GLOD4: variants seen among roughly 807,000 people sequenced by gnomAD.
The protein encoded by GLOD4 is glyoxalase domain containing 4.
GLOD4 carries 44 observed loss-of-function variants against 39.1 expected under a neutral mutation model. That is an observed-to-expected ratio of 1.13 (90% CI 0.88 to 1.45). The LOEUF (loss-of-function observed/expected upper bound fraction) is 1.45. GLOD4 is among the 40% of genes most tolerant of loss of function. GLOD4 has a pLI of 0.00. For missense variants in GLOD4, 405 were observed against 366.4 expected, an observed-to-expected ratio of 1.11 and a Z score of -0.86; for synonymous variants, 145 against 135.0, an observed-to-expected ratio of 1.07 and a Z score of -0.52.
intron 8 of GLOD4, among the ~76,000 whole-genome samples, chr17:765,842 GC>G (rs1311876631): frequency 6.6e-6 from 1 of 151,760 alleles, no homozygotes; most frequent in Non-Finnish European, 1.5e-5. Flanking sequence ...CCAGCTACCA[GC>G]TACTCAGGAG....
chr17:762,742 T>C (rs1350694200), intron 8 of GLOD4, among the ~76,000 whole-genome samples: 1 of 151,980 alleles, frequency 6.6e-6, no homozygotes, highest in Admixed American at 6.5e-5. Flanking sequence ...AGGGGAATAA[T>C]TTCATCACCA....
At chr17:775,661 G>T in intron 4 of GLOD4, 114 bp downstream of exon 4, 1 of 811,296 alleles carries the variant, frequency 1.2e-6, no homozygotes, top group Non-Finnish European at 2.0e-6. Context: ...GCACTGGCTG[G>T]GGAAGACACG....
chr17:763,530 A>G (rs1270673665), intron 8 of GLOD4: 1 of 152,180 alleles, frequency 6.6e-6, no homozygotes, highest in Admixed American at 6.5e-5. Flanking sequence ...CAAAAAATAA[A>G]TAAATAAATA....
chr17:770,443 G>A lies in GLOD4; in HGVS notation c.608C>T (p.Ala203Val). ...VDHAAAFGRI[A>V]FSCPQKELPD... Reference sequence around the variant, plus strand: ...TACCTCTTTCTGGGGGCAAGAGAAGGCAATTCTTCCAAAAGCTGCTGCATG... The same window carrying A: ...TACCTCTTTCTGGGGGCAAGAGAAGACAATTCTTCCAAAAGCTGCTGCATG... Residue 203 changes from alanine to valine, a missense_variant, in exon 6 of 9, where the codon GCC becomes GTC. Transcript: ENST00000301329. The A allele has an allele frequency of 7.0e-6, 11 of 1,574,354 alleles. No homozygotes were observed. The highest frequency in any genetic ancestry group is 9.6e-6 in the Non-Finnish European group (11 of 1,143,596).
At chr17:782,604 C>A (rs761274880), upstream of GLOD4, 55 of 1,613,928 alleles carry the variant, frequency 3.4e-5, no homozygotes, top group Non-Finnish European at 6.8e-6. Flanking sequence ...GAAACAACCG[C>A]TCGAGGAGTC....
intron 8 of GLOD4, chr17:764,018 C>G (rs529096910): frequency 6.6e-6 from 1 of 152,116 alleles, no homozygotes; most frequent in Non-Finnish European, 1.5e-5. Context: ...GTACTCTCTT[C>G]GGTTGTGCAT....
At position 782,194 on chromosome 17, in the gene GLOD4, C is replaced by T. The variant is rs1208418211; in HGVS notation, c.62G>A (p.Arg21His). The change falls in exon 1 of 9, where the codon CGT becomes CAT. Residue 21 changes from arginine (R) to histidine (H), a missense_variant. By Grantham distance (29) the Arg-to-His change is conservative. Coordinates refer to ENST00000301329, the MANE Select transcript of GLOD4 (RefSeq NM_016080.4). ...CATCCCCAGGACGTCCCGATAGAAA[C>T]GCGCCGTCTGGAAGCGGTTTCCCAC... is the stretch of plus-strand genomic sequence containing the variant. ...FKVGNRFQTARFYRDVLGMKV... is the reference protein window; with the variant it reads ...FKVGNRFQTAHFYRDVLGMKV... 5.0e-6 allele frequency: 8 copies of T among 1,609,826 alleles called. No individual in the cohort carries two copies. Among genetic ancestry groups the T allele is most frequent in the African/African-American group, 2.7e-5 (2 of 74,844 alleles).
chr17:771,572 T>C, intron 4 of GLOD4, 111 bp from the exon 5 acceptor site: 1 of 641,872 alleles, frequency 1.6e-6, no homozygotes, highest in South Asian at 2.4e-5. Flanking sequence ...GAAAGGGATT[T>C]TAAGCCAGTA....
intron 8 of GLOD4, among the ~76,000 whole-genome samples, chr17:767,785 A>G (rs1184506422): frequency 2.0e-5 from 3 of 147,616 alleles, no homozygotes; most frequent in Non-Finnish European, 4.5e-5. Flanking sequence ...GATGTGAGAG[A>G]GAGAAACAGC....
At chr17:760,269 T>C (rs1279274526) in intron 8 of GLOD4, 31 bp from the exon 9 acceptor site, 8 of 1,244,870 alleles carry the variant, frequency 6.4e-6, no homozygotes, top group Non-Finnish European at 9.5e-6. Context: ...ATACACTGAC[T>C]CCAAGCCTGA....
chr17:768,563 AC>A (rs1907207008), intron 8 of GLOD4, among the ~76,000 whole-genome samples: 2 of 134,436 alleles, frequency 1.5e-5, no homozygotes, highest in Non-Finnish European at 3.1e-5. Context: ...AGAGAGAGAA[AC>A]AGCGCGCACT....
In GLOD4 at chr17:769,915, C is replaced by G; in HGVS notation, c.785G>C (p.Arg262Pro). Residue 262 changes from arginine to proline, a missense_variant, in exon 8 of 9, where the codon CGA becomes CCA. Physicochemically the swap from Arg to Pro is moderately radical, Grantham distance 103 (BLOSUM62 -2). Coordinates refer to ENST00000301329, the MANE Select transcript of GLOD4 (RefSeq NM_016080.4). ...EICFVGDEAF[R>P]ELSKMDPEGS... ...CTCTGGATCCATCTTAGAAAGTTCT[C>G]GAAATGCTTCATCCCCGACAAAGCA... 1 of 1,611,416 alleles carries G rather than the reference C, an allele frequency of 6.2e-7. No homozygotes were observed. Among genetic ancestry groups the G allele is most frequent in the Non-Finnish European group, 8.5e-7 (1 of 1,177,602 alleles).
At chr17:771,017 C>T (rs902990411) in intron 5 of GLOD4, 5 of 227,944 alleles carry the variant, frequency 2.2e-5, no homozygotes, top group Middle Eastern at 1.5e-3. Flanking sequence ...AGGACTAAAT[C>T]GTGCTCAAAC....
chr17:785,140 A>G (rs182251379), upstream of GLOD4, among the ~76,000 whole-genome samples: 267 of 152,196 alleles, frequency 1.8e-3, no homozygotes, highest in African/African-American at 5.9e-3. Context: ...TTATACATAA[A>G]GAGTTTAGGG....
chr17:778,929 CAAG>C, intron 1 of GLOD4, 185 bp from the exon 2 acceptor site: 1 of 581,922 alleles, frequency 1.7e-6, no homozygotes, highest in Non-Finnish European at 3.1e-6. Context: ...AGCTTGACAC[CAAG>C]GGTCAGGCTA....
upstream of GLOD4, chr17:782,440 C>A (rs757181649): frequency 6.2e-7 from 1 of 1,613,984 alleles, no homozygotes; most frequent in Non-Finnish European, 8.5e-7. Context: ...GTGGTCCAGG[C>A]TTGGGACCTT....
upstream of GLOD4, chr17:782,399 C>T (rs370738493): frequency 1.4e-5 from 23 of 1,613,682 alleles, no homozygotes; most frequent in Admixed American, 2.5e-4. Flanking sequence ...TGGTGAGACC[C>T]GCGAGGTTTG....
intron 8 of GLOD4, among the ~76,000 whole-genome samples, chr17:766,435 A>C (rs931121315): frequency 1.3e-5 from 2 of 151,968 alleles, no homozygotes; most frequent in African/African-American, 4.8e-5. Flanking sequence ...GTCTCTACTA[A>C]AAATACAAAA....
chr17:768,696 T>C, intron 8 of GLOD4, among the ~76,000 whole-genome samples: 1 of 122,782 alleles, frequency 8.1e-6, no homozygotes, highest in Non-Finnish European at 1.7e-5. Context: ...ACTCAGATTT[T>C]TAGAGGAAGA....
Sources: allele counts gnomAD v4.1 joint callset (sites outside exome capture counted in the v4.1 genomes callset), GRCh38; gene constraint gnomAD v4.1.1; transcripts MANE v1.5; gene names NCBI Gene and HGNC (gene_info 2026-07-23, HGNC 2026-07-21).